The following BIN3 variants were observed in gnomAD, a reference collection of about 807,000 sequenced individuals.
The protein encoded by BIN3 is bridging integrator 3.
Under a neutral mutation model 38.2 loss-of-function variants are expected in BIN3, and 41 were observed. The observed-to-expected ratio is 1.07, with a 90% CI of 0.84 to 1.39. The LOEUF is 1.39. Ranked by LOEUF, BIN3 falls within the 40% of genes most tolerant of loss-of-function variation. The pLI is 0.00. For synonymous variants in BIN3, 145 were observed against 122.6 expected (o/e 1.18, Z -1.21); for missense variants, 361 against 324.3 (o/e 1.11, Z -0.87).
At chr8:22,631,297 G>A (rs570697001) in intron 4 of BIN3, among the ~76,000 whole-genome samples, 5 of 152,276 alleles carry the variant, frequency 3.3e-5, no homozygotes, top group Admixed American at 1.3e-4. Flanking sequence ...TGGTACAGGC[G>A]GGACTGGGAC....
chr8:22,667,764 G>C (rs536476527), intron 1 of BIN3, among the ~76,000 whole-genome samples: 3 of 152,132 alleles, frequency 2.0e-5, no homozygotes, highest in African/African-American at 7.2e-5. Flanking sequence ...CTTTCCTCCC[G>C]TGCTTGCGGT....
At chr8:22,663,003 C>T (rs947090710) in intron 1 of BIN3, among the ~76,000 whole-genome samples, 3 of 152,100 alleles carry the variant, frequency 2.0e-5, no homozygotes, top group African/African-American at 4.8e-5. Flanking sequence ...CCTGTAATCC[C>T]AGCTATCTGG....
At chr8:22,632,132 A>G (rs562027583) in intron 4 of BIN3, among the ~76,000 whole-genome samples, 4 of 152,348 alleles carry the variant, frequency 2.6e-5, no homozygotes, top group Non-Finnish European at 5.9e-5. Context: ...CAATCAAACC[A>G]GGCTACACTT....
intron 2 of BIN3, among the ~76,000 whole-genome samples, chr8:22,643,680 G>C (rs1448114503): frequency 6.6e-6 from 1 of 152,194 alleles, no homozygotes; most frequent in African/African-American, 2.4e-5. Flanking sequence ...GGAGCCATTG[G>C]TCAGATGTGT....
At chr8:22,641,813 G>A (rs559371866) in intron 2 of BIN3, among the ~76,000 whole-genome samples, 16 of 152,174 alleles carry the variant, frequency 1.1e-4, no homozygotes, top group South Asian at 2.1e-4. Context: ...AGGGGGACAC[G>A]AAGAGCAAAG....
intron 3 of BIN3, 31 bp downstream of exon 3, chr8:22,636,891 C>G (rs1271083463): frequency 1.2e-6 from 2 of 1,606,944 alleles, no homozygotes; most frequent in East Asian, 2.2e-5. Context: ...CTCCCTGCCT[C>G]CCACCTCATC....
intron 1 of BIN3, among the ~76,000 whole-genome samples, chr8:22,655,092 T>C (rs535013172): frequency 6.6e-6 from 1 of 152,246 alleles, no homozygotes; most frequent in African/African-American, 2.4e-5. Flanking sequence ...TTCATTTGTA[T>C]ATCTTTGGAG....
chr8:22,660,380 A>G (rs1803194957), intron 1 of BIN3, among the ~76,000 whole-genome samples: 1 of 152,378 alleles, frequency 6.6e-6, no homozygotes, highest in South Asian at 2.1e-4. Context: ...ATGGGCTGAC[A>G]GTGGCTTAGA....
chr8:22,662,747 T>C (rs1425392887), intron 1 of BIN3, among the ~76,000 whole-genome samples: 3 of 151,862 alleles, frequency 2.0e-5, no homozygotes, highest in Admixed American at 6.6e-5. Context: ...ATTATATACA[T>C]AGATCAAAAT....
intron 1 of BIN3, among the ~76,000 whole-genome samples, chr8:22,649,598 A>G (rs952401391): frequency 2.6e-5 from 4 of 152,162 alleles, no homozygotes; most frequent in African/African-American, 7.2e-5. Flanking sequence ...GAAAAACTGA[A>G]GCAAATATGC....
At chr8:22,636,882 T>G in intron 3 of BIN3, 40 bp downstream of exon 3, 2 of 1,598,650 alleles carry the variant, frequency 1.3e-6, no homozygotes, top group South Asian at 2.2e-5. Flanking sequence ...CCCTTGTCCC[T>G]CCCTGCCTCC....
chr8:22,651,830 G>C (rs991210955), intron 1 of BIN3, among the ~76,000 whole-genome samples: 3 of 152,108 alleles, frequency 2.0e-5, no homozygotes, highest in Non-Finnish European at 4.4e-5. Context: ...TTTCAATTTG[G>C]CAATTTATAA....
intron 7 of BIN3, 50 bp downstream of exon 7, chr8:22,624,172 A>T (rs752685491): frequency 1.0e-5 from 16 of 1,595,918 alleles, no homozygotes; most frequent in Non-Finnish European, 8.5e-7. Context: ...ACCACAGGTG[A>T]CCACGATGGC....
intron 2 of BIN3, among the ~76,000 whole-genome samples, chr8:22,637,497 G>A (rs994519105): frequency 2.6e-5 from 4 of 152,208 alleles, no homozygotes; most frequent in Non-Finnish European, 4.4e-5. Context: ...TGATTGGGAT[G>A]CATCAAACAC....
intron 5 of BIN3, 47 bp downstream of exon 5, chr8:22,630,395 A>T (rs922383503): frequency 4.4e-6 from 7 of 1,607,748 alleles, no homozygotes; most frequent in Non-Finnish European, 5.1e-6. Flanking sequence ...AGAGGCCCAG[A>T]CCGGGCAGAA....
chr8:22,664,259 T>C (rs1198794202), intron 1 of BIN3, among the ~76,000 whole-genome samples: 2 of 152,224 alleles, frequency 1.3e-5, no homozygotes, highest in Non-Finnish European at 2.9e-5. Flanking sequence ...CACTTGACTC[T>C]TTCTGACTGC....
intron 1 of BIN3, among the ~76,000 whole-genome samples, chr8:22,658,521 A>T (rs542502731): frequency 3.3e-5 from 5 of 152,314 alleles, no homozygotes; most frequent in Admixed American, 2.6e-4. Context: ...TCAATTTGCT[A>T]GGTTTCTCCA....
At chr8:22,629,105 G>T (rs775813256) in intron 6 of BIN3, among the ~76,000 whole-genome samples, 1 of 152,222 alleles carries the variant, frequency 6.6e-6, no homozygotes, top group Non-Finnish European at 1.5e-5. Context: ...CACAATCAAC[G>T]AACAGCTCAG....
At chr8:22,643,272 G>A (rs1802619232) in intron 2 of BIN3, among the ~76,000 whole-genome samples, 1 of 152,196 alleles carries the variant, frequency 6.6e-6, no homozygotes, top group African/African-American at 2.4e-5. Flanking sequence ...CTCTGCATGA[G>A]AGGTCAGCGC....
Sources: allele counts gnomAD v4.1 joint callset (sites outside exome capture counted in the v4.1 genomes callset), GRCh38; gene constraint gnomAD v4.1.1; transcripts MANE v1.5; gene names NCBI Gene and HGNC (gene_info 2026-07-23, HGNC 2026-07-21).